The following CPNE8 variants were observed in gnomAD, a reference collection of about 807,000 sequenced individuals.
The protein encoded by CPNE8 is copine-8.
In CPNE8, 45 loss-of-function variants were observed where a neutral mutation model predicts 81.5. The ratio of observed to expected loss-of-function variants is 0.55; its 90% CI spans 0.44 to 0.71. The LOEUF (loss-of-function observed/expected upper bound fraction) is 0.71, where lower values mean the gene tolerates loss of function less well. Among genes scored for constraint, CPNE8 ranks in the 30% least tolerant of loss-of-function variants. CPNE8 has a pLI of 0.00. For missense variants in CPNE8, 594 were observed against 672.1 expected, an observed-to-expected ratio of 0.88 and a Z score of 1.28; for synonymous variants, 252 against 226.3, an observed-to-expected ratio of 1.11 and a Z score of -1.02.
chr12:38,722,361 G>A (rs571867533), intron 13 of CPNE8, among the ~76,000 whole-genome samples: 1 of 152,022 alleles, frequency 6.6e-6, no homozygotes, highest in East Asian at 1.9e-4. Flanking sequence ...TTGGATGCCC[G>A]TATATAGCAA....
intron 6 of CPNE8, among the ~76,000 whole-genome samples, chr12:38,781,706 T>A (rs1246296424): frequency 6.6e-6 from 1 of 152,074 alleles, no homozygotes; most frequent in East Asian, 1.9e-4. Context: ...TAAACACCCT[T>A]GGCAAGGTGA....
At chr12:38,792,153 C>T (rs1016695776) in intron 6 of CPNE8, among the ~76,000 whole-genome samples, 2 of 151,176 alleles carry the variant, frequency 1.3e-5, no homozygotes, top group African/African-American at 4.8e-5. Flanking sequence ...AAGTCAACAA[C>T]CTAACTTTAT....
At chr12:38,711,256 A>G (rs543460939) in intron 13 of CPNE8, among the ~76,000 whole-genome samples, 1 of 152,312 alleles carries the variant, frequency 6.6e-6, no homozygotes, top group African/African-American at 2.4e-5. Context: ...ACTGTAACCA[A>G]GCAACATAAC....
intron 6 of CPNE8, among the ~76,000 whole-genome samples, chr12:38,806,457 T>C (rs1344286247): frequency 2.0e-5 from 3 of 149,714 alleles, no homozygotes; most frequent in Admixed American, 6.7e-5. Context: ...TATATGCAAA[T>C]CAATAAATGT....
At position 38,653,926 on chromosome 12, in the gene CPNE8, G is replaced by C; in HGVS notation, c.1651C>G (p.Pro551Ala). The change falls in exon 20 of 20, where the codon CCC (proline) becomes GCC (alanine). Residue 551 changes from proline to alanine, a missense_variant. Transcript: ENST00000331366. The stretch of plus-strand genomic sequence containing the variant: ...ACATGTGTAGGTGGGGTGTATGGGG[G>C]AGGCGCAGGTGATGGCTTGATTCCT... ...ARGIKPSPAP[P>A]PYTPPTHVLQ... The C allele has an allele frequency of 6.2e-7, 1 of 1,613,616 alleles. No individual in the cohort carries two copies. The highest frequency in any genetic ancestry group is 8.5e-7 in the Non-Finnish European group (1 of 1,179,938).
intron 10 of CPNE8, among the ~76,000 whole-genome samples, chr12:38,737,249 A>G (rs1309828877): frequency 1.3e-5 from 2 of 152,070 alleles, no homozygotes; most frequent in Non-Finnish European, 2.9e-5. Context: ...CTAAATCTGT[A>G]TTCTTGTATC....
chr12:38,687,519 C>T (rs1440114984), intron 15 of CPNE8, among the ~76,000 whole-genome samples: 2 of 151,724 alleles, frequency 1.3e-5, no homozygotes, highest in African/African-American at 4.8e-5. Flanking sequence ...GTAGCTGGCA[C>T]TACAGGCATG....
At chr12:38,753,080 A>T (rs576273650) in intron 10 of CPNE8, among the ~76,000 whole-genome samples, 5 of 152,212 alleles carry the variant, frequency 3.3e-5, no homozygotes, top group Admixed American at 1.3e-4. Flanking sequence ...AAAAGCTCTA[A>T]TATTATTTAA....
intron 6 of CPNE8, among the ~76,000 whole-genome samples, chr12:38,784,315 C>A (rs757340182): frequency 2.0e-5 from 3 of 151,774 alleles, no homozygotes; most frequent in Non-Finnish European, 2.9e-5. Context: ...AACGGACATT[C>A]AGAGAAGACA....
intron 4 of CPNE8, among the ~76,000 whole-genome samples, chr12:38,841,744 G>T (rs1943470622): frequency 6.6e-6 from 1 of 152,076 alleles, no homozygotes; most frequent in Admixed American, 6.6e-5. Context: ...ATACATACAT[G>T]CCACTTTTGA....
At position 38,776,259 on chromosome 12, in the gene CPNE8, T is replaced by C; in HGVS notation, c.450A>G (p.Ala150=). ...GKKCGTIILT[A]EELNCCRDAV... ...TTACCCTGCAACAGTTTAATTCCTC[T>C]GCTGTAAGTATGATTGTACCACATT... The change falls in exon 7 of 20, where the codon GCA becomes GCG. Residue 150 remains alanine (A), a synonymous_variant. Coordinates refer to ENST00000331366, the MANE Select transcript of CPNE8 (RefSeq NM_153634.3). 1.3e-6 allele frequency: 2 copies of C among 1,554,348 alleles called. No homozygotes were observed. Among genetic ancestry groups the C allele is most frequent in the South Asian group, 2.5e-5 (2 of 79,508 alleles).
intron 10 of CPNE8, among the ~76,000 whole-genome samples, chr12:38,751,607 G>A (rs1941354474): frequency 6.6e-6 from 1 of 152,106 alleles, no homozygotes; most frequent in African/African-American, 2.4e-5. Flanking sequence ...ATGCCTACAG[G>A]CCAAATTAAA....
chr12:38,798,865 A>C (rs952314198), intron 6 of CPNE8, among the ~76,000 whole-genome samples: 12 of 152,152 alleles, frequency 7.9e-5, no homozygotes, highest in Admixed American at 1.3e-4. Context: ...TCTACCAAGC[A>C]AATGGAAAAC....
At chr12:38,763,073 C>T (rs1941605111) in intron 8 of CPNE8, among the ~76,000 whole-genome samples, 1 of 152,134 alleles carries the variant, frequency 6.6e-6, no homozygotes. Flanking sequence ...TGGCCCAGCT[C>T]GTCTTGAACT....
chr12:38,682,035 C>A (rs1053369903), intron 16 of CPNE8, among the ~76,000 whole-genome samples: 1 of 151,198 alleles, frequency 6.6e-6, no homozygotes, highest in African/African-American at 2.4e-5. Context: ...GCCTGGCCAA[C>A]AAGGCGAAAC....
intron 1 of CPNE8, among the ~76,000 whole-genome samples, chr12:38,902,232 G>A (rs911158445): frequency 5.6e-5 from 5 of 89,594 alleles, no homozygotes; most frequent in African/African-American, 1.5e-4. Context: ...AGAGAAAGAA[G>A]GAAAGAAAGA....
chr12:38,902,358 A>AAGAAAGAAAGAAAAGAAAGAAAG (rs1944488177), intron 1 of CPNE8, among the ~76,000 whole-genome samples: 2 of 96,384 alleles, frequency 2.1e-5, no homozygotes, highest in African/African-American at 1.3e-4. Flanking sequence ...GAAAGAAAGA[A>AAGAAAGAAAGAAAAGAAAGAAAG]AGAAAGAAAG....
At chr12:38,833,636 G>A (rs1160829225) in intron 5 of CPNE8, among the ~76,000 whole-genome samples, 12 of 151,520 alleles carry the variant, frequency 7.9e-5, no homozygotes, top group Admixed American at 2.0e-4. Context: ...TCGTCACCAC[G>A]CCCAGCTAAT....
chr12:38,812,164 T>C (rs1942949011), intron 6 of CPNE8, among the ~76,000 whole-genome samples: 2 of 152,124 alleles, frequency 1.3e-5, no homozygotes, highest in Non-Finnish European at 2.9e-5. Flanking sequence ...AGGAACTGGG[T>C]CTACTAAAAA....
Sources: gnomAD v4.1 joint callset for allele counts (sites outside exome capture counted in the v4.1 genomes callset) on GRCh38, gnomAD v4.1.1 for gene constraint, MANE v1.5 for transcripts, NCBI Gene and HGNC (gene_info 2026-07-23, HGNC 2026-07-21) for gene names.